The following ZNF567 variants were observed in gnomAD, a reference collection of about 807,000 sequenced individuals.
The protein encoded by ZNF567 is zinc finger protein 567.
ZNF567 carries 36 observed loss-of-function variants against 53.9 expected under a neutral mutation model. The ratio of observed to expected loss-of-function variants is 0.67; its 90% CI spans 0.51 to 0.88. The LOEUF (loss-of-function observed/expected upper bound fraction) is 0.88, where lower values mean the gene tolerates loss of function less well. Among genes scored for constraint, ZNF567 ranks in the 40% least tolerant of loss-of-function variants. The pLI, the probability that ZNF567 is intolerant of heterozygous loss-of-function variation, is 0.00. For synonymous variants in ZNF567, 224 were observed against 260.4 expected (o/e 0.86, Z 1.35); for missense variants, 619 against 764.7 (o/e 0.81, Z 2.25).
At position 36,719,455 on chromosome 19, in the gene ZNF567, G is replaced by C; in HGVS notation, c.731G>C (p.Arg244Thr). Residue 244 changes from arginine to threonine, a missense_variant, in exon 6 of 6, where the codon AGA (arginine) becomes ACA (threonine). Arg to Thr is a moderately conservative substitution (Grantham distance 71). Coordinates refer to ENST00000682579, the MANE Select transcript of ZNF567 (RefSeq NM_001322917.1). Reference protein sequence around the residue: ...GENPSVYNKKRRATNIEKKHT... With the variant: ...GENPSVYNKKTRATNIEKKHT... ...AACCCATCTGTATATAATAAAAAAA[G>C]AAGAGCAACCAATATTGAAAAAAAA... 6.2e-7 allele frequency: 1 copy of C among 1,610,290 alleles called. No individual in the cohort carries two copies. Among genetic ancestry groups the C allele is most frequent in the Non-Finnish European group, 8.5e-7 (1 of 1,179,160 alleles).
intron 3 of ZNF567, among the ~76,000 whole-genome samples, chr19:36,710,280 CTTTTT>C (rs35115492): frequency 7.0e-4 from 53 of 76,102 alleles, no homozygotes; most frequent in African/African-American, 1.5e-3. Flanking sequence ...ACTTTGAAGC[CTTTTT>C]TTTTTTTTTT....
At chr19:36,699,696 C>T (rs1448003976) in intron 3 of ZNF567, among the ~76,000 whole-genome samples, 3 of 152,024 alleles carry the variant, frequency 2.0e-5, no homozygotes, top group African/African-American at 2.4e-5. Flanking sequence ...TGTGAATGGG[C>T]GTTCACTCAT....
chr19:36,675,861 A>G, the ZNF567 span, among the ~76,000 whole-genome samples: 1 of 151,892 alleles, frequency 6.6e-6, no homozygotes, highest in African/African-American at 2.4e-5. Context: ...ACAAAAACAA[A>G]AACACCCAGT....
At chr19:36,706,892 G>A (rs1319601746) in intron 3 of ZNF567, among the ~76,000 whole-genome samples, 1 of 150,924 alleles carries the variant, frequency 6.6e-6, no homozygotes, top group African/African-American at 2.4e-5. Flanking sequence ...CTGGGTCCAA[G>A]TGATCTTCCT....
intron 1 of ZNF567, among the ~76,000 whole-genome samples, 161 bp from the exon 2 acceptor site, chr19:36,689,236 A>AGTGTGTGTGTGTGTGTGTGT (rs59984347): frequency 1.4e-5 from 2 of 138,906 alleles, no homozygotes; most frequent in African/African-American, 5.4e-5. Context: ...CCTATTTGAG[A>AGTGTGTGTGTGTGTGTGTGT]GTGTGTGTGT....
intron 5 of ZNF567, among the ~76,000 whole-genome samples, chr19:36,714,138 A>G (rs1320868821): frequency 6.6e-6 from 1 of 151,808 alleles, no homozygotes; most frequent in East Asian, 1.9e-4. Flanking sequence ...GGAAAGGTTT[A>G]TTTATTTATT....
At chr19:36,711,219 C>CA (rs1362085284) in intron 3 of ZNF567, 1 of 152,310 alleles carries the variant, frequency 6.6e-6, no homozygotes, top group African/African-American at 2.4e-5. Context: ...TACAGGCACC[C>CA]ACCACCACAC....
chr19:36,712,838 G>A lies in ZNF567; in HGVS notation c.194G>A (p.Trp65Ter). The change falls in exon 5 of 6, where the codon TGG becomes TAG. Residue 65 changes from tryptophan (W) to a stop codon, truncating the protein, a stop_gained. Transcript: ENST00000682579. LOFTEE classifies it high-confidence loss of function. Reference protein sequence around the residue: ...ILKLERGEEPWTSFAGHTCLE... With the variant: ...ILKLERGEEP ...AAGTTGGAACGAGGAGAAGAGCCATGGACATCATTTGCAGGTCATACCTGC... is the reference window on the plus strand; with the variant it reads ...AAGTTGGAACGAGGAGAAGAGCCATAGACATCATTTGCAGGTCATACCTGC... The A allele has an allele frequency of 6.2e-7, 1 of 1,614,172 alleles. No individual in the cohort carries two copies. The highest frequency in any genetic ancestry group is 8.5e-7 in the Non-Finnish European group (1 of 1,180,014).
downstream of ZNF567, chr19:36,721,421 T>G (rs367974847): frequency 6.6e-6 from 1 of 152,120 alleles, no homozygotes; most frequent in Non-Finnish European, 1.5e-5. Context: ...ATATATGAGG[T>G]TTTTTTGGTC....
intron 3 of ZNF567, among the ~76,000 whole-genome samples, chr19:36,699,585 T>A (rs1487524527): frequency 2.6e-5 from 4 of 152,214 alleles, no homozygotes; most frequent in Admixed American, 2.0e-4. Context: ...GTTTGTATTC[T>A]CTTTTATTTC....
intron 3 of ZNF567, among the ~76,000 whole-genome samples, chr19:36,701,974 AGCTGGTTATTTT>A (rs1450570141): frequency 6.6e-6 from 1 of 151,344 alleles, no homozygotes; most frequent in Non-Finnish European, 1.5e-5. Flanking sequence ...TTATGATGAT[AGCTGGTTATTTT>A]GCTTGTTAGT....
rs1344736763 is a variant in ZNF567, at chr19:36,721,315, C to T, written c.*647C>T. The T allele has an allele frequency of 6.6e-6, 1 of 151,982 alleles. No individual in the cohort carries two copies. The highest frequency in any genetic ancestry group is 1.5e-5 in the Non-Finnish European group (1 of 68,002). The allele number at this position is 151,982 out of a possible 1,614,324, so 9.4% of individuals were successfully genotyped here. On this transcript the variant is annotated 3_prime_UTR_variant, in exon 6 of 6. Coordinates refer to ENST00000682579, the MANE Select transcript of ZNF567 (RefSeq NM_001322917.1). ...ATACTTTTGTGTAATAATAAAAATA[C>T]TGCTGTAAATATTCTTGTTTATATC... is the stretch of plus-strand genomic sequence containing the variant.
chr19:36,677,063 G>A, the ZNF567 span, among the ~76,000 whole-genome samples: 111 of 149,452 alleles, frequency 7.4e-4, no homozygotes, highest in Admixed American at 2.4e-3. Context: ...GCTGAGGCAG[G>A]AGAATCGCAT....
chr19:36,723,046 A>C (rs992029602), downstream of ZNF567: 21 of 587,630 alleles, frequency 3.6e-5, no homozygotes, highest in Non-Finnish European at 6.0e-5. Context: ...TAATTATAGG[A>C]CTTATAATCA....
the ZNF567 span, among the ~76,000 whole-genome samples, chr19:36,681,650 G>A: frequency 6.6e-6 from 1 of 151,770 alleles, no homozygotes; most frequent in Non-Finnish European, 1.5e-5. Context: ...GCCTGGTCTT[G>A]AACTCCTGGG....
Position 36,719,044 on chromosome 19 carries a change from TGAA to T in ZNF567, c.322_324del (p.Lys108del). On this transcript the variant is annotated inframe_deletion, in exon 6 of 6. Coordinates refer to ENST00000682579, the MANE Select transcript of ZNF567 (RefSeq NM_001322917.1). Reference sequence around the variant, plus strand: ...GTAAGCATCAACCACAAAAAACTGGTGAAGGAGAAGAGTAAAATATATGAAAAG... The same window carrying T: ...GTAAGCATCAACCACAAAAAACTGGTGGAGAAGAGTAAAATATATGAAAAG... 3 of 1,611,960 alleles carry T rather than the reference TGAA, an allele frequency of 1.9e-6. No individual in the cohort carries two copies. Among genetic ancestry groups the T allele is most frequent in the Non-Finnish European group, 2.5e-6 (3 of 1,179,468 alleles).
chr19:36,680,425 T>C, the ZNF567 span, among the ~76,000 whole-genome samples: 2 of 152,154 alleles, frequency 1.3e-5, no homozygotes, highest in Non-Finnish European at 2.9e-5. Flanking sequence ...TAGGTGGAGT[T>C]GTATCTTCAG....
At chr19:36,704,809 G>A (rs1394515536) in intron 3 of ZNF567, among the ~76,000 whole-genome samples, 1 of 152,136 alleles carries the variant, frequency 6.6e-6, no homozygotes, top group Non-Finnish European at 1.5e-5. Flanking sequence ...AGAATTCACT[G>A]TGAAGCCATC....
In ZNF567 at chr19:36,720,443, GT is replaced by G; in HGVS notation, c.1720del (p.Ser574HisfsTer76). 6.2e-7 allele frequency: 1 copy of G among 1,613,976 alleles called. No individual in the cohort carries two copies. Among genetic ancestry groups the G allele is most frequent in the Non-Finnish European group, 8.5e-7 (1 of 1,179,994 alleles). ...PQCGKAFSRK[S>X]YLIHHQRTHT... ...AGTGTGGGAAAGCCTTTAGCAGGAAGTCATATCTCATTCATCATCAAAGAAC... is the reference window on the plus strand; with the variant it reads ...AGTGTGGGAAAGCCTTTAGCAGGAAGCATATCTCATTCATCATCAAAGAAC... On this transcript the variant is annotated frameshift_variant, in exon 6 of 6. Transcript: ENST00000682579. LOFTEE classifies it high-confidence loss of function.
Sources: gnomAD v4.1 joint callset for allele counts (sites outside exome capture counted in the v4.1 genomes callset) on GRCh38, gnomAD v4.1.1 for gene constraint, MANE v1.5 for transcripts, NCBI Gene and HGNC (gene_info 2026-07-23, HGNC 2026-07-21) for gene names.